The following UNC13B variants were observed in gnomAD, a reference collection of about 807,000 sequenced individuals.
The protein encoded by UNC13B is unc-13 homolog B.
UNC13B carries 144 observed loss-of-function variants against 211.0 expected under a neutral mutation model. That is an observed-to-expected ratio of 0.68 (90% CI 0.60 to 0.78). The LOEUF (loss-of-function observed/expected upper bound fraction) is 0.78, where lower values mean the gene tolerates loss of function less well. Among genes scored for constraint, UNC13B ranks in the 30% least tolerant of loss-of-function variants. UNC13B has a pLI of 0.00. For missense variants in UNC13B, 1,777 were observed against 2,002.0 expected (o/e 0.89, Z 2.14); for synonymous variants, 709 against 725.8 (o/e 0.98, Z 0.37).
intron 2 of UNC13B, among the ~76,000 whole-genome samples, chr9:35,229,717 G>T (rs540161835): frequency 6.6e-6 from 1 of 152,070 alleles, no homozygotes; most frequent in East Asian, 1.9e-4. Context: ...TATGGATGGA[G>T]ATTCCCCTTG....
intron 26 of UNC13B, among the ~76,000 whole-genome samples, chr9:35,395,918 CT>C (rs1274962383): frequency 1.3e-5 from 2 of 152,188 alleles, no homozygotes; most frequent in Admixed American, 6.5e-5. Context: ...CCCTGGAGCC[CT>C]TCAGTTTGCC....
At chr9:35,283,347 A>C (rs1828615054) in intron 7 of UNC13B, among the ~76,000 whole-genome samples, 1 of 152,196 alleles carries the variant, frequency 6.6e-6, no homozygotes, top group Non-Finnish European at 1.5e-5. Context: ...CTATAAGTGG[A>C]ATCATTGGGT....
At chr9:35,397,134 G>A in intron 28 of UNC13B, 33 bp from the exon 29 acceptor site, 3 of 1,611,448 alleles carry the variant, frequency 1.9e-6, no homozygotes, top group Non-Finnish European at 2.5e-6. Context: ...GATAGCAGCT[G>A]TGGATGGTGA....
At chr9:35,252,356 A>T (rs151207884) in intron 6 of UNC13B, among the ~76,000 whole-genome samples, 1 of 151,948 alleles carries the variant, frequency 6.6e-6, no homozygotes, top group Non-Finnish European at 1.5e-5. Flanking sequence ...TTTATTTGAG[A>T]CAGTCTTACT....
intron 11 of UNC13B, among the ~76,000 whole-genome samples, chr9:35,328,993 G>A (rs748999425): frequency 4.6e-5 from 7 of 151,594 alleles, no homozygotes; most frequent in South Asian, 2.1e-4. Flanking sequence ...AGATGGTCTC[G>A]ATCTCCTGAC....
intron 3 of UNC13B, 52 bp from the exon 4 acceptor site, chr9:35,236,417 G>GT (rs1162935678): frequency 8.5e-5 from 122 of 1,437,304 alleles, no homozygotes; most frequent in Non-Finnish European, 1.1e-4. Flanking sequence ...AGATGTAGTT[G>GT]TTTCTTTCAT....
chr9:35,200,954 A>G, intron 1 of UNC13B, among the ~76,000 whole-genome samples: 1 of 152,174 alleles, frequency 6.6e-6, no homozygotes, highest in Non-Finnish European at 1.5e-5. Flanking sequence ...CCCATTCAGT[A>G]TGATATTGGC....
chr9:35,351,160 G>A, intron 11 of UNC13B: 1 of 310,118 alleles, frequency 3.2e-6, no homozygotes, highest in Middle Eastern at 1.5e-3. Context: ...TTAAGACTGG[G>A]GTTGGGAGGC....
chr9:35,172,187 T>G (rs1377113828), intron 1 of UNC13B, among the ~76,000 whole-genome samples: 1 of 152,026 alleles, frequency 6.6e-6, no homozygotes, highest in Non-Finnish European at 1.5e-5. Context: ...TTTGTTTTTT[T>G]TTTTTAAATT....
At chr9:35,288,163 G>T (rs181391922) in intron 7 of UNC13B, among the ~76,000 whole-genome samples, 22 of 151,708 alleles carry the variant, frequency 1.5e-4, no homozygotes, top group Middle Eastern at 6.8e-3. Flanking sequence ...TTCTCCTTAC[G>T]AGCCTCCCTG....
In UNC13B at chr9:35,175,356, G is replaced by A. The variant is rs192956511; in HGVS notation, c.22+13051G>A. Among the ~76,000 whole-genome samples the A allele has an allele frequency of 3.3e-4, 51 of 152,268 alleles. No homozygotes were observed. The East Asian group carries it at 4.2e-3, about 13-fold the overall frequency. On this transcript the variant is annotated intron_variant, in intron 1 of 39. Transcript: ENST00000635942. The stretch of plus-strand genomic sequence containing the variant: ...GCTTGAATTAAAATACTTATGGAGG[G>A]TCAGAAAGGAGAAAAAGGGGCTGAT...
At position 35,394,222 on chromosome 9, in the gene UNC13B, C is replaced by T. The variant is rs150152195; in HGVS notation, c.11309-2254C>T. ...AGAGGGTAAGATTAGTTGGTGTACT[C>T]TGTTCCACTTCAGCTGGAGATTTTA... On this transcript the variant is annotated intron_variant, in intron 26 of 39. Coordinates refer to ENST00000635942, the MANE Select transcript of UNC13B (RefSeq NM_001371189.2). Among the ~76,000 whole-genome samples, 470 of 152,294 alleles carry T rather than the reference C, an allele frequency of 3.1e-3. 2 individuals are homozygous for T. Among genetic ancestry groups the T allele is most frequent in the Non-Finnish European group, 5.1e-3 (347 of 68,024 alleles).
intron 11 of UNC13B, among the ~76,000 whole-genome samples, chr9:35,340,753 G>T (rs373307887): frequency 6.6e-6 from 1 of 152,180 alleles, no homozygotes; most frequent in African/African-American, 2.4e-5. Context: ...GTTACTGGCT[G>T]ATCGAGCTCT....
intron 7 of UNC13B, among the ~76,000 whole-genome samples, chr9:35,260,062 A>AAAC (rs1827183797): frequency 6.7e-6 from 1 of 150,186 alleles, no homozygotes; most frequent in Admixed American, 6.6e-5. Flanking sequence ...AAAAAAAAAA[A>AAAC]AACCAAGTGT....
At chr9:35,329,271 G>A (rs768464703) in intron 11 of UNC13B, among the ~76,000 whole-genome samples, 5 of 152,050 alleles carry the variant, frequency 3.3e-5, no homozygotes, top group African/African-American at 4.8e-5. Flanking sequence ...AGATAGGGTC[G>A]TTAAGTGGGT....
rs371965791 is a variant in UNC13B at position 35,380,492 on chromosome 9, C to T, written c.10228C>T (p.Arg3410Cys). The T allele has an allele frequency of 2.3e-5, 37 of 1,613,944 alleles. No homozygotes were observed. The highest frequency in any genetic ancestry group is 1.8e-4 in the East Asian group (8 of 44,898). The change falls in exon 18 of 40, where the codon CGC becomes TGC. Residue 3410 changes from arginine to cysteine, a missense_variant. Physicochemically the swap from Arg to Cys is radical, Grantham distance 180 (BLOSUM62 -3). Transcript: ENST00000635942. ...CAGTGAGTGCCACAACTCCTCTGAC[C>T]GCATTAAGGTGCGTGTATGGGATGA... Reference protein sequence around the residue: ...FHFECHNSSDRIKVRVWDEDD... With the variant: ...FHFECHNSSDCIKVRVWDEDD...
intron 7 of UNC13B, among the ~76,000 whole-genome samples, chr9:35,279,606 G>A (rs750349416): frequency 2.2e-4 from 33 of 152,138 alleles, no homozygotes; most frequent in Non-Finnish European, 4.3e-4. Context: ...AGTATTTGCA[G>A]TTACAATACT....
At chr9:35,324,394 A>G (rs934872544) in intron 11 of UNC13B, among the ~76,000 whole-genome samples, 1 of 152,212 alleles carries the variant, frequency 6.6e-6, no homozygotes, top group African/African-American at 2.4e-5. Flanking sequence ...GCTTATTGTG[A>G]TTCTTTAAGA....
At chr9:35,210,258 T>C (rs766872736) in intron 1 of UNC13B, among the ~76,000 whole-genome samples, 2 of 152,208 alleles carry the variant, frequency 1.3e-5, no homozygotes, top group Non-Finnish European at 2.9e-5. Flanking sequence ...CTGTCCAGTA[T>C]AGTTTTCACT....
Sources: allele counts gnomAD v4.1 joint callset (sites outside exome capture counted in the v4.1 genomes callset), GRCh38; gene constraint gnomAD v4.1.1; transcripts MANE v1.5; gene names NCBI Gene and HGNC (gene_info 2026-07-23, HGNC 2026-07-21).